The following CIAO3 variants were observed in gnomAD, a reference collection of about 807,000 sequenced individuals.
CIAO3 encodes cytosolic iron-sulfur assembly component 3, also known as LET1 like/JFP15.
In CIAO3, 45 loss-of-function variants were observed where a neutral mutation model predicts 51.5. The observed-to-expected ratio is 0.87, with a 90% confidence interval of 0.69 to 1.12. The LOEUF (loss-of-function observed/expected upper bound fraction) is 1.12, where lower values mean the gene tolerates loss of function less well. Among genes scored for constraint, CIAO3 ranks in the 50% most tolerant of loss-of-function variants. CIAO3 has a pLI of 0.00. For missense variants in CIAO3, 668 were observed against 632.5 expected (o/e 1.06, Z -0.60); for synonymous variants, 314 against 269.3 (o/e 1.17, Z -1.63).
At chr16:734,596 T>TG in intron 5 of CIAO3, 141 bp downstream of exon 5, 1 of 1,455,556 alleles carries the variant, frequency 6.9e-7, no homozygotes, top group South Asian at 1.1e-5. Flanking sequence ...AGGCCATTTG[T>TG]GCCAACATTT....
chr16:733,173 T>G (rs2071952), intron 7 of CIAO3, 125 bp downstream of exon 7: 3 of 1,263,672 alleles, frequency 2.4e-6, no homozygotes, highest in East Asian at 2.5e-5. Flanking sequence ...CGTGCACGCA[T>G]GCGAGCCCCC....
chr16:735,755 A>G (rs2041331233), intron 4 of CIAO3, among the ~76,000 whole-genome samples: 1 of 152,202 alleles, frequency 6.6e-6, no homozygotes, highest in African/African-American at 2.4e-5. Context: ...GCTGGTTACA[A>G]GGCGCACAGG....
intron 2 of CIAO3, chr16:739,328 A>T: frequency 2.7e-6 from 1 of 366,606 alleles, no homozygotes; most frequent in South Asian, 2.8e-5. Flanking sequence ...CAAACAAAAG[A>T]ACGAGGGGTC....
Position 731,566 on chromosome 16 carries a change from T to C in CIAO3, c.1033A>G (p.Arg345Gly). The change falls in exon 9 of 11, where the codon AGG becomes GGG. Residue 345 changes from arginine (R) to glycine (G), a missense_variant and splice_region_variant. By Grantham distance (125) the Arg-to-Gly change is moderately radical. Coordinates refer to ENST00000251588, the MANE Select transcript of CIAO3 (RefSeq NM_022493.3). ...HVAEVTYKPL[R>G]NKDFQEVTLE... ...AGAGATCTGGCCCATCCCACTGACC[T>C]CAGGGGTTTGTAGGTAACCTCAGCC... 2 of 1,565,054 alleles carry C rather than the reference T, an allele frequency of 1.3e-6. No individual in the cohort carries two copies. Among genetic ancestry groups the C allele is most frequent in the Non-Finnish European group, 1.7e-6 (2 of 1,155,420 alleles).
At chr16:732,028 C>A (rs1363528015) in intron 8 of CIAO3, 1 of 532,538 alleles carries the variant, frequency 1.9e-6, no homozygotes, top group Admixed American at 3.4e-5. Context: ...GCATGGATTA[C>A]CACCATGTCT....
At chr16:740,754 TGTCTGAGGCCCCGCGCCCGGGTCGATAGA>T in intron 1 of CIAO3, 137 bp downstream of exon 1, 1 of 607,196 alleles carries the variant, frequency 1.6e-6, no homozygotes, top group Non-Finnish European at 2.8e-6. Context: ...CGGGCCTCAG[TGTCTGAGGCCCCGCGCCCGGGTCGATAGA>T]GTCCCTGACG....
At position 734,850 on chromosome 16, in the gene CIAO3, G is replaced by A. The variant is rs752103043; in HGVS notation, c.461C>T (p.Thr154Ile). 4.5e-5 allele frequency: 70 copies of A among 1,573,028 alleles called. No individual in the cohort carries two copies. In the East Asian group the frequency reaches 1.5e-3, roughly 33 times the overall value. ...KKIGVHFVFD[T>I]AFSRHFSLLE... ...GAGGCTGAAGTGCCTTGAGAAGGCGGTGTCGAAGACGAAGTGCACCCCTGG... is the reference window on the plus strand; with the variant it reads ...GAGGCTGAAGTGCCTTGAGAAGGCGATGTCGAAGACGAAGTGCACCCCTGG... The change falls in exon 5 of 11, where the codon ACC becomes ATC. Residue 154 changes from threonine (T) to isoleucine (I), a missense_variant. Thr to Ile is a moderately conservative substitution (Grantham distance 89). Coordinates refer to ENST00000251588, the MANE Select transcript of CIAO3 (RefSeq NM_022493.3).
chr16:735,002 C>G, intron 4 of CIAO3, 131 bp from the exon 5 acceptor site: 1 of 1,292,148 alleles, frequency 7.7e-7, no homozygotes. Context: ...AAGCCCCGGC[C>G]CCACCGTGGG....
At chr16:740,603 C>T in intron 1 of CIAO3, 2 of 462,518 alleles carry the variant, frequency 4.3e-6, no homozygotes, top group Non-Finnish European at 3.9e-6. Context: ...GCCGCCTCTG[C>T]TGCCTCCTCT....
rs1169550213 is a variant in CIAO3 at position 740,127 on chromosome 16, C to T, written c.67-389G>A. Reference sequence around the variant, plus strand: ...ATCTGTTTGGAGACCACCTCCTGCTCAGTGCCCGGGAAACAAGTGGATTTC... The same window carrying T: ...ATCTGTTTGGAGACCACCTCCTGCTTAGTGCCCGGGAAACAAGTGGATTTC... On this transcript the variant is annotated intron_variant, in intron 1 of 10. Transcript: ENST00000251588. 5 of 1,304,338 alleles carry T rather than the reference C, an allele frequency of 3.8e-6. No homozygotes were observed. The East Asian group carries it at 1.6e-4, about 41-fold the overall frequency. 80.8% of individuals were successfully genotyped at this position (1,304,338 alleles called of 1,614,324 possible). A position where few individuals can be genotyped will look rare whatever the true frequency, so the allele number is the denominator to read the frequency against.
In CIAO3 at chr16:737,008, T is replaced by TGACACGTTCACCACTGGAGCCC. The variant is rs1243519182; in HGVS notation, c.306+156_306+177dup. Reference sequence around the variant, plus strand: ...TATTTAGAACCTGAAGTTTGGGGCCTGACACGTTCACCACTGGAGCCCACT... The same window carrying TGACACGTTCACCACTGGAGCCC: ...TATTTAGAACCTGAAGTTTGGGGCCTGACACGTTCACCACTGGAGCCCGACACGTTCACCACTGGAGCCCACT... On this transcript the variant is annotated intron_variant, in intron 3 of 10. Transcript: ENST00000251588. This position sits in a 1 kb window ranked among gnomAD's most constrained non-coding sequence, Gnocchi z 5.3. 5.4e-6 allele frequency: 4 copies of TGACACGTTCACCACTGGAGCCC among 746,734 alleles called. No homozygotes were observed. The highest frequency in any genetic ancestry group is 8.7e-6 in the Non-Finnish European group (4 of 460,834). 46.3% of individuals were successfully genotyped at this position (746,734 alleles called of 1,614,324 possible). A position where few individuals can be genotyped will look rare whatever the true frequency, so the allele number is the denominator to read the frequency against.
intron 8 of CIAO3, 173 bp from the exon 9 acceptor site, chr16:731,875 G>GA (rs2041287190): frequency 5.7e-6 from 4 of 697,498 alleles, no homozygotes; most frequent in Non-Finnish European, 8.5e-6. Flanking sequence ...GCCACTTCTT[G>GA]TTTTTTTTTT....
Position 737,796 on chromosome 16 carries a change from G to A in CIAO3, c.163-467C>T. 3.3e-6 allele frequency: 4 copies of A among 1,203,360 alleles called. No homozygotes were observed. In the South Asian group the frequency reaches 4.5e-5, roughly 13 times the overall value. 74.5% of individuals were successfully genotyped at this position (1,203,360 alleles called of 1,614,324 possible). A position where few individuals can be genotyped will look rare whatever the true frequency, so the allele number is the denominator to read the frequency against. On this transcript the variant is annotated intron_variant, in intron 2 of 10. Transcript: ENST00000251588. The surrounding 1 kb of genome is among the most constrained non-coding windows in gnomAD (Gnocchi z 5.3). The stretch of plus-strand genomic sequence containing the variant: ...GAAGCCTGGGAGCCTGGCCTCCGGT[G>A]GGCGGGGCAGAAACAACCGTCAGAC...
intron 8 of CIAO3, 85 bp from the exon 9 acceptor site, chr16:731,787 C>T (rs11248947): frequency 0.2 from 291,983 of 1,425,948 alleles, 32,528 homozygotes; most frequent in Non-Finnish European, 0.23. Context: ...CACACATGAG[C>T]GTTTGCATTT....
rs1214129865 is a variant in CIAO3 at position 730,827 on chromosome 16, C to T, written c.1192+16G>A. The stretch of plus-strand genomic sequence containing the variant: ...CCCAGAAGGGGTCCTCGTGTCCTGT[C>T]CCTTGCAGGAGCTACCTGAGGGGCA... On this transcript the variant is annotated intron_variant, in intron 10 of 10. Transcript: ENST00000251588. 4 of 1,611,850 alleles carry T rather than the reference C, an allele frequency of 2.5e-6. No individual in the cohort carries two copies. The highest frequency in any genetic ancestry group is 2.2e-5 in the East Asian group (1 of 44,896).
At chr16:734,501 G>A (rs757182516) in intron 5 of CIAO3, 154 bp from the exon 6 acceptor site, 8 of 857,328 alleles carry the variant, frequency 9.3e-6, no homozygotes, top group Admixed American at 6.1e-5. Flanking sequence ...ACCACCACGC[G>A]GAGCTCGGCG....
At chr16:731,415 C>T in intron 9 of CIAO3, 150 bp downstream of exon 9, 1 of 1,147,404 alleles carries the variant, frequency 8.7e-7, no homozygotes, top group South Asian at 1.9e-5. Flanking sequence ...GCCAGGAGGG[C>T]CCTGCCTGGC....
intron 2 of CIAO3, among the ~76,000 whole-genome samples, chr16:738,771 T>C (rs1054130933): frequency 6.6e-6 from 1 of 151,554 alleles, no homozygotes; most frequent in South Asian, 2.1e-4. Flanking sequence ...CCTCACCCTC[T>C]TGAGTAGCTG....
At chr16:731,324 C>T (rs886876727) in intron 9 of CIAO3, 49 of 617,706 alleles carry the variant, frequency 7.9e-5, no homozygotes, top group Non-Finnish European at 1.2e-4. Context: ...CCCATGCTGG[C>T]CTCTCGGGCT....
Sources: gnomAD v4.1 joint callset for allele counts (sites outside exome capture counted in the v4.1 genomes callset) on GRCh38, gnomAD v4.1.1 for gene constraint, Gnocchi (gnomAD v3.1) non-coding constraint, MANE v1.5 for transcripts, NCBI Gene and HGNC (gene_info 2026-07-23, HGNC 2026-07-21) for gene names.